Variants in PDE11A observed in about 807,000 individuals in gnomAD.
PDE11A encodes the protein dual 3',5'-cyclic-AMP and -GMP phosphodiesterase 11A.
In PDE11A, 100 loss-of-function variants were observed where a neutral mutation model predicts 100.5. The ratio of observed to expected loss-of-function variants is 1.00; its 90% CI spans 0.85 to 1.18. The LOEUF (loss-of-function observed/expected upper bound fraction) is 1.18. Among genes scored for constraint, PDE11A ranks in the 50% most tolerant of loss-of-function variants. The pLI, the probability that PDE11A is intolerant of heterozygous loss-of-function variation, is 0.00. For missense variants in PDE11A, 1,141 were observed against 1,152.6 expected (o/e 0.99, Z 0.15); for synonymous variants, 381 against 420.8 (o/e 0.91, Z 1.16).
intron 12 of PDE11A, among the ~76,000 whole-genome samples, chr2:177,714,370 T>C (rs2081405452): frequency 6.6e-6 from 1 of 152,248 alleles, no homozygotes; most frequent in Admixed American, 6.5e-5. Context: ...GTCCTTTCTA[T>C]GTACCATACA....
At chr2:177,686,527 A>G (rs2080953752) in intron 15 of PDE11A, among the ~76,000 whole-genome samples, 1 of 152,106 alleles carries the variant, frequency 6.6e-6, no homozygotes, top group Non-Finnish European at 1.5e-5. Flanking sequence ...TGATCACACC[A>G]CTGCACTCCA....
At chr2:177,898,478 T>TCC (rs1280581463) in intron 3 of PDE11A, among the ~76,000 whole-genome samples, 1 of 152,140 alleles carries the variant, frequency 6.6e-6, no homozygotes, top group African/African-American at 2.4e-5. Flanking sequence ...TTATTTTGAG[T>TCC]CTTAAAGGAT....
intron 12 of PDE11A, among the ~76,000 whole-genome samples, chr2:177,713,078 G>A (rs921214123): frequency 6.6e-5 from 10 of 151,852 alleles, no homozygotes; most frequent in African/African-American, 1.5e-4. Context: ...GCACCATCTC[G>A]GCTTACTGCA....
At chr2:177,938,199 G>A (rs1187982777) in intron 2 of PDE11A, among the ~76,000 whole-genome samples, 1 of 152,180 alleles carries the variant, frequency 6.6e-6, no homozygotes, top group Non-Finnish European at 1.5e-5. Flanking sequence ...CAGAGTTTAG[G>A]GGACATGCTG....
intron 3 of PDE11A, 89 bp from the exon 4 acceptor site, chr2:177,898,287 A>T: frequency 1.2e-6 from 1 of 811,764 alleles, no homozygotes; most frequent in Non-Finnish European, 2.0e-6. Flanking sequence ...TGCTTCAATA[A>T]AATATAGTAA....
chr2:177,995,646 A>ACCCCC lies in PDE11A; in HGVS notation c.1071+18655_1071+18656insGGGGG, dbSNP rs3067378. 3.9e-4 allele frequency among the ~76,000 whole-genome samples: 58 copies of ACCCCC among 147,754 alleles called. 1 individual carries two copies. The highest frequency in any genetic ancestry group is 1.1e-3 in the African/African-American group (44 of 40,046). On this transcript the variant is annotated intron_variant, in intron 2 of 19. Transcript: ENST00000286063. ...TGACATTAAATACTCCACAAACACC[A>ACCCCC]CCCACCCCGCATCTGCTGTTTTAAC...
intron 9 of PDE11A, chr2:177,797,292 T>C (rs1028387797): frequency 6.6e-6 from 1 of 152,118 alleles, no homozygotes; most frequent in Admixed American, 6.6e-5. Context: ...TTGAAACAGA[T>C]AGATCTGAGC....
At chr2:177,835,583 G>A (rs914376414) in intron 6 of PDE11A, among the ~76,000 whole-genome samples, 1 of 152,346 alleles carries the variant, frequency 6.6e-6, no homozygotes, top group Admixed American at 6.5e-5. Flanking sequence ...CACTATAGGA[G>A]CTCTTCAGCC....
Position 177,728,028 on chromosome 2 carries a change from C to G in PDE11A, c.1933G>C (p.Glu645Gln), listed in dbSNP as rs2081625781. The stretch of plus-strand genomic sequence containing the variant: ...ATCACCCAAGACAGACATCTTACCT[C>G]ATAGTCAATTTTAAATTTCTGTACC... ...GMVQKFKIDY[E>Q]TLCRWLLTVR... is the part of the protein sequence containing the mutation. The change falls in exon 11 of 20, where the codon GAG (glutamate) becomes CAG (glutamine). Residue 645 changes from glutamate to glutamine, a missense_variant and splice_region_variant. Coordinates refer to ENST00000286063, the MANE Select transcript of PDE11A (RefSeq NM_016953.4). 9 of 1,612,936 alleles carry G rather than the reference C, an allele frequency of 5.6e-6. No homozygotes were observed. The highest frequency in any genetic ancestry group is 7.6e-6 in the Non-Finnish European group (9 of 1,179,154).
chr2:177,759,084 T>C (rs900744131), intron 10 of PDE11A, among the ~76,000 whole-genome samples: 1 of 152,024 alleles, frequency 6.6e-6, no homozygotes, highest in African/African-American at 2.4e-5. Flanking sequence ...GCTTCTCTCT[T>C]TGGAGACAAT....
intron 6 of PDE11A, among the ~76,000 whole-genome samples, chr2:177,825,579 T>C (rs559206748): frequency 6.6e-6 from 1 of 152,340 alleles, no homozygotes; most frequent in Admixed American, 6.5e-5. Flanking sequence ...TTTTATCCTC[T>C]GCAGGGGCTG....
intron 18 of PDE11A, among the ~76,000 whole-genome samples, chr2:177,666,755 A>C (rs1007648023): frequency 6.6e-6 from 1 of 151,322 alleles, no homozygotes; most frequent in Non-Finnish European, 1.5e-5. Context: ...TTATCTTTCT[A>C]TTGTTCAGTT....
At chr2:177,694,637 G>T (rs1166841200) in intron 15 of PDE11A, among the ~76,000 whole-genome samples, 1 of 151,988 alleles carries the variant, frequency 6.6e-6, no homozygotes, top group Non-Finnish European at 1.5e-5. Context: ...TGGCAGAGCT[G>T]GGATTTTAAT....
intron 2 of PDE11A, among the ~76,000 whole-genome samples, chr2:177,958,186 C>T (rs193108585): frequency 6.6e-6 from 1 of 152,150 alleles, no homozygotes; most frequent in Non-Finnish European, 1.5e-5. Flanking sequence ...CCACCGTGCC[C>T]GGCCTCAATG....
At chr2:177,928,030 G>A (rs1376900645) in intron 2 of PDE11A, among the ~76,000 whole-genome samples, 1 of 150,804 alleles carries the variant, frequency 6.6e-6, no homozygotes, top group Non-Finnish European at 1.5e-5. Context: ...CTTGAACCTG[G>A]GAAGTGGAGG....
chr2:177,652,022 C>T (rs1054871985), intron 19 of PDE11A, among the ~76,000 whole-genome samples: 4 of 152,190 alleles, frequency 2.6e-5, no homozygotes, highest in Admixed American at 1.3e-4. Flanking sequence ...CAAGCGCTTA[C>T]TAGTAACAAT....
chr2:177,969,988 C>T (rs991270064), intron 2 of PDE11A, among the ~76,000 whole-genome samples: 3 of 152,052 alleles, frequency 2.0e-5, no homozygotes, highest in Non-Finnish European at 4.4e-5. Context: ...TGAATGGTAT[C>T]ATATGGGGAA....
At chr2:177,737,821 C>T (rs1388102953) in intron 10 of PDE11A, among the ~76,000 whole-genome samples, 3 of 152,182 alleles carry the variant, frequency 2.0e-5, no homozygotes, top group African/African-American at 4.8e-5. Context: ...ATAGGAATTA[C>T]GTCTGTCTTG....
At chr2:178,001,143 C>A (rs1005262155) in intron 2 of PDE11A, among the ~76,000 whole-genome samples, 1 of 152,088 alleles carries the variant, frequency 6.6e-6, no homozygotes, top group Non-Finnish European at 1.5e-5. Flanking sequence ...ATGCAAAGCA[C>A]CTATCACAGA....
Sources: gnomAD v4.1 joint callset for allele counts (sites outside exome capture counted in the v4.1 genomes callset) on GRCh38, gnomAD v4.1.1 for gene constraint, MANE v1.5 for transcripts, NCBI Gene and HGNC (gene_info 2026-07-23, HGNC 2026-07-21) for gene names.